The following PDE3A variants were observed in gnomAD, a reference collection of about 807,000 sequenced individuals.
PDE3A encodes phosphodiesterase 3A, also known as cGMP-inhibited 3',5'-cyclic phosphodiesterase 3A.
PDE3A carries 43 observed loss-of-function variants against 98.3 expected under a neutral mutation model. That is an observed-to-expected ratio of 0.44 (90% CI 0.34 to 0.56). PDE3A has a LOEUF of 0.56. PDE3A is among the 20% of genes least tolerant of loss of function. The pLI, the probability that PDE3A is intolerant of heterozygous loss-of-function variation, is 0.01. For synonymous variants in PDE3A, 663 were observed against 567.9 expected (o/e 1.17, Z -2.38); for missense variants, 1,427 against 1,440.7 (o/e 0.99, Z 0.15).
At chr12:20,521,035 TG>T (rs1309862535) in intron 1 of PDE3A, among the ~76,000 whole-genome samples, 1 of 152,212 alleles carries the variant, frequency 6.6e-6, no homozygotes, top group Non-Finnish European at 1.5e-5. Context: ...CTCCTGTGGA[TG>T]TAAACATATT....
chr12:20,638,136 G>T lies in PDE3A; in HGVS notation c.2139+899G>T, dbSNP rs533920217. 4.6e-5 allele frequency among the ~76,000 whole-genome samples: 7 copies of T among 151,084 alleles called. No homozygotes were observed. In the South Asian group the frequency reaches 8.3e-4, roughly 18 times the overall value. On this transcript the variant is annotated intron_variant, in intron 9 of 15. Coordinates refer to ENST00000359062, the MANE Select transcript of PDE3A (RefSeq NM_000921.5). ...CACTTCTCTGCAAAACAATAGAAGA[G>T]AAATCACTGAAATGCTGATTTCTAT...
intron 2 of PDE3A, among the ~76,000 whole-genome samples, chr12:20,606,908 G>A (rs1016705083): frequency 1.3e-4 from 20 of 150,604 alleles, no homozygotes; most frequent in Non-Finnish European, 1.9e-4. Context: ...ATAGGCACAC[G>A]TCTAAAAGTA....
intron 1 of PDE3A, among the ~76,000 whole-genome samples, chr12:20,451,532 C>G (rs1164215016): frequency 6.6e-6 from 1 of 152,198 alleles, no homozygotes; most frequent in Non-Finnish European, 1.5e-5. Flanking sequence ...CCTTGGCCTT[C>G]CAGGTCTCAA....
intron 2 of PDE3A, among the ~76,000 whole-genome samples, chr12:20,588,632 TACAA>T (rs5796872): frequency 1 from 151,615 of 152,078 alleles, 75,578 homozygotes; most frequent in Middle Eastern, 1. Context: ...CTGAGCATAC[TACAA>T]ACAAACAGCT....
intron 1 of PDE3A, among the ~76,000 whole-genome samples, chr12:20,446,768 A>G (rs942142865): frequency 6.6e-6 from 1 of 152,172 alleles, no homozygotes; most frequent in Non-Finnish European, 1.5e-5. Flanking sequence ...AGTGTTATCT[A>G]TAGGTAGTTA....
intron 1 of PDE3A, among the ~76,000 whole-genome samples, chr12:20,462,945 A>AT (rs1187349965): frequency 1.3e-5 from 2 of 151,650 alleles, no homozygotes; most frequent in Non-Finnish European, 2.9e-5. Flanking sequence ...CTAATTTTTA[A>AT]TTTTTTTGTA....
At position 20,499,902 on chromosome 12, in the gene PDE3A, C is replaced by T. The variant is rs142017913; in HGVS notation, c.961-56758C>T. On this transcript the variant is annotated intron_variant, in intron 1 of 15. Transcript: ENST00000359062. ...TGTACGCTTGTTAATCCTCACAACC[C>T]CACCTGTTTCCTACTATTATTCTAA... is the stretch of plus-strand genomic sequence containing the variant. Among the ~76,000 whole-genome samples the T allele has an allele frequency of 1.7e-4, 26 of 152,222 alleles. No homozygotes were observed. The East Asian group carries it at 4.6e-3, about 27-fold the overall frequency.
intron 2 of PDE3A, among the ~76,000 whole-genome samples, chr12:20,561,571 T>G (rs1942522105): frequency 6.6e-6 from 1 of 152,166 alleles, no homozygotes; most frequent in African/African-American, 2.4e-5. Context: ...GTACTTTTTT[T>G]TAGCCTTTGA....
intron 1 of PDE3A, among the ~76,000 whole-genome samples, chr12:20,534,312 A>T (rs1172959160): frequency 6.6e-6 from 1 of 152,172 alleles, no homozygotes; most frequent in African/African-American, 2.4e-5. Flanking sequence ...TAATATACGC[A>T]ATATGGATTT....
intron 15 of PDE3A, among the ~76,000 whole-genome samples, chr12:20,666,783 G>A (rs1339652106): frequency 1.3e-5 from 2 of 152,076 alleles, no homozygotes. Context: ...CTTTTCCTTT[G>A]ATAAATACCC....
At chr12:20,616,480 A>G in intron 4 of PDE3A, 96 bp downstream of exon 4, 1 of 1,207,094 alleles carries the variant, frequency 8.3e-7, no homozygotes, top group Non-Finnish European at 1.2e-6. Flanking sequence ...AACCAATTAC[A>G]TTTGGTTGGA....
At chr12:20,436,849 G>T (rs1056604581) in intron 1 of PDE3A, among the ~76,000 whole-genome samples, 8 of 152,236 alleles carry the variant, frequency 5.3e-5, no homozygotes, top group African/African-American at 1.9e-4. Flanking sequence ...ATGTAATTGC[G>T]AATTAGCCCT....
At chr12:20,402,930 C>A (rs1416399556) in intron 1 of PDE3A, among the ~76,000 whole-genome samples, 1 of 151,910 alleles carries the variant, frequency 6.6e-6, no homozygotes, top group African/African-American at 2.4e-5. Context: ...AAATAGGAAA[C>A]AGAAAAGTCT....
chr12:20,619,695 A>T (rs1944088017), intron 4 of PDE3A, among the ~76,000 whole-genome samples: 1 of 152,120 alleles, frequency 6.6e-6, no homozygotes. Flanking sequence ...GGAAGATGTC[A>T]AAGAAATATT....
At chr12:20,662,929 T>C (rs552987176) in intron 15 of PDE3A, among the ~76,000 whole-genome samples, 65 of 152,264 alleles carry the variant, frequency 4.3e-4, no homozygotes, top group African/African-American at 1.5e-3. Flanking sequence ...CAGTCCCTCC[T>C]ATCATAGACC....
intron 1 of PDE3A, among the ~76,000 whole-genome samples, chr12:20,475,759 A>G (rs1333247873): frequency 1.3e-5 from 2 of 152,154 alleles, no homozygotes; most frequent in Non-Finnish European, 2.9e-5. Flanking sequence ...TATGTAATGA[A>G]CAGAGAAAAT....
chr12:20,369,924 A>C lies in PDE3A; in HGVS notation c.640A>C (p.Met214Leu). The change falls in exon 1 of 16, where the codon ATG (methionine) becomes CTG (leucine). Residue 214 changes from methionine (M) to leucine (L), a missense_variant. Physicochemically the swap from Met to Leu is conservative, Grantham distance 15 (BLOSUM62 2). Transcript: ENST00000359062. ...LVLRLRLGVL[M>L]IALTSAVRTV... ...GCTGAGGCTGAGGCTGGGCGTCCTCATGATCGCCTTGACTAGCGCGGTCAG... is the reference window on the plus strand; with the variant it reads ...GCTGAGGCTGAGGCTGGGCGTCCTCCTGATCGCCTTGACTAGCGCGGTCAG... 1 of 1,613,430 alleles carries C rather than the reference A, an allele frequency of 6.2e-7. No individual in the cohort carries two copies. Among genetic ancestry groups the C allele is most frequent in the Non-Finnish European group, 8.5e-7 (1 of 1,179,972 alleles).
chr12:20,402,754 A>T (rs766706646), intron 1 of PDE3A, among the ~76,000 whole-genome samples: 12 of 152,116 alleles, frequency 7.9e-5, no homozygotes, highest in African/African-American at 1.2e-4. Flanking sequence ...TGAAAAATAA[A>T]TTTTTTTCTA....
chr12:20,430,444 A>G (rs1944676973), intron 1 of PDE3A, among the ~76,000 whole-genome samples: 2 of 152,188 alleles, frequency 1.3e-5, no homozygotes, highest in African/African-American at 2.4e-5. Context: ...CCTGATAAAC[A>G]TCATACCTTA....
Sources: allele counts gnomAD v4.1 joint callset (sites outside exome capture counted in the v4.1 genomes callset), GRCh38; gene constraint gnomAD v4.1.1; transcripts MANE v1.5; gene names NCBI Gene and HGNC (gene_info 2026-07-23, HGNC 2026-07-21).